Variants in NLGN4Y observed in about 807,000 individuals in gnomAD.
NLGN4Y encodes the protein neuroligin-4, Y-linked.
NLGN4Y carries 4 observed loss-of-function variants against 8.4 expected under a neutral mutation model. The observed-to-expected ratio is 0.48, with a 90% CI of 0.23 to 1.09. NLGN4Y has a LOEUF of 1.09. Among genes scored for constraint, NLGN4Y ranks in the 50% least tolerant of loss-of-function variants. The pLI is 0.19. For synonymous variants in NLGN4Y, 35 were observed against 75.6 expected (o/e 0.46, Z 2.78); for missense variants, 90 against 192.3 (o/e 0.47, Z 3.15).
chrY:14,787,127 T>C (rs2042970206), intron 4 of NLGN4Y, among the ~76,000 whole-genome samples: 1 of 32,460 alleles, frequency 3.1e-5, no homozygotes, highest in Non-Finnish European at 7.5e-5. Context: ...CAAGCAATCC[T>C]CCTGTCTTGG....
At chrY:14,673,283 A>G (rs2150529415) in intron 2 of NLGN4Y, among the ~76,000 whole-genome samples, 1 of 29,738 alleles carries the variant, frequency 3.4e-5, no homozygotes, top group East Asian at 8.7e-4. Context: ...TACTCATCTG[A>G]CAAAGGGCTA....
At chrY:14,597,999 G>C in intron 1 of NLGN4Y, among the ~76,000 whole-genome samples, 1 of 32,673 alleles carries the variant, frequency 3.1e-5, no homozygotes, top group Admixed American at 2.7e-4. Flanking sequence ...CACAAGAGCA[G>C]CTAGATACAG....
intron 1 of NLGN4Y, among the ~76,000 whole-genome samples, chrY:14,604,876 T>TA (rs2080441323): frequency 3.0e-5 from 1 of 33,832 alleles, no homozygotes; most frequent in South Asian, 6.6e-4. Flanking sequence ...GCCACGTTTT[T>TA]ACTCTCCAAT....
intron 2 of NLGN4Y, among the ~76,000 whole-genome samples, chrY:14,710,154 C>T (rs2080895159): frequency 5.9e-5 from 2 of 33,648 alleles, no homozygotes; most frequent in South Asian, 1.3e-3. Context: ...ATTTAATCTC[C>T]ACATATCTAA....
At chrY:14,671,356 C>T in intron 2 of NLGN4Y, among the ~76,000 whole-genome samples, 1 of 31,754 alleles carries the variant, frequency 3.1e-5, no homozygotes, top group Non-Finnish European at 7.6e-5. Context: ...ATAGTGAGAT[C>T]CTTTCTCTAC....
At chrY:14,656,497 G>T in intron 2 of NLGN4Y, among the ~76,000 whole-genome samples, 1 of 29,952 alleles carries the variant, frequency 3.3e-5, no homozygotes, top group Non-Finnish European at 7.9e-5. Context: ...TGAGGCAGGA[G>T]AATTGCTTGA....
chrY:14,630,599 A>C (rs779171804), intron 2 of NLGN4Y, among the ~76,000 whole-genome samples: 24 of 33,560 alleles, frequency 7.2e-4, no homozygotes, highest in Non-Finnish European at 7.3e-4. Flanking sequence ...GAGTTTTATC[A>C]CCCTTTAATA....
intron 1 of NLGN4Y, among the ~76,000 whole-genome samples, chrY:14,541,246 G>T (rs965017420): frequency 6.0e-5 from 2 of 33,402 alleles, no homozygotes; most frequent in Non-Finnish European, 7.4e-5. Flanking sequence ...AAGAAGATAA[G>T]ATTAGAGAAA....
At position 14,618,123 on chromosome Y, in the gene NLGN4Y, G is replaced by GA. The variant is rs770476831; in HGVS notation, c.-111-3869dup. The stretch of plus-strand genomic sequence containing the variant: ...GAAAGGTTCTGTCTCACTGGATTAT[G>GA]AAAAAAAAAAAAAAAAACTCCTGCA... On this transcript the variant is annotated intron_variant, in intron 1 of 6. Coordinates refer to ENST00000684976, the MANE Select transcript of NLGN4Y (RefSeq NM_001365588.1). 5.9e-3 allele frequency among the ~76,000 whole-genome samples: 99 copies of GA among 16,853 alleles called. No individual in the cohort carries two copies. In the East Asian group the frequency reaches 0.06, roughly 10 times the overall value. The allele number at this position is 16,853 out of a possible 37,273, so 45.2% of individuals were successfully genotyped here. A position where few individuals can be genotyped will look rare whatever the true frequency, so the allele number is the denominator to read the frequency against.
chrY:14,828,724 A>T (rs970756582), intron 5 of NLGN4Y, among the ~76,000 whole-genome samples: 1 of 33,445 alleles, frequency 3.0e-5, no homozygotes, highest in Non-Finnish European at 7.3e-5. Flanking sequence ...ATGACATGAA[A>T]AATCAACACG....
intron 5 of NLGN4Y, among the ~76,000 whole-genome samples, chrY:14,828,231 A>G: frequency 3.1e-5 from 1 of 31,796 alleles, no homozygotes; most frequent in Non-Finnish European, 7.6e-5. Flanking sequence ...TAACATACAA[A>G]TAACTGTTTT....
At chrY:14,544,246 C>T (rs766853678) in intron 1 of NLGN4Y, among the ~76,000 whole-genome samples, 9 of 33,346 alleles carry the variant, frequency 2.7e-4, no homozygotes, top group Admixed American at 2.5e-3. Flanking sequence ...CATTATTTCT[C>T]TCCCCATGGC....
chrY:14,589,519 G>A (rs1603500594), intron 1 of NLGN4Y, among the ~76,000 whole-genome samples: 2 of 32,837 alleles, frequency 6.1e-5, no homozygotes. Context: ...TAAACACAGG[G>A]TGCTGATTGG....
At chrY:14,601,133 C>G in intron 1 of NLGN4Y, among the ~76,000 whole-genome samples, 4 of 30,141 alleles carry the variant, frequency 1.3e-4, no homozygotes, top group African/African-American at 5.3e-4. Flanking sequence ...GAGTCTCCCT[C>G]TGTCACCCAG....
intron 4 of NLGN4Y, among the ~76,000 whole-genome samples, chrY:14,725,710 A>G: frequency 2.9e-5 from 1 of 33,902 alleles, no homozygotes. Context: ...AATGAAATGA[A>G]TGGCCTTGTA....
At chrY:14,609,618 C>A in intron 1 of NLGN4Y, among the ~76,000 whole-genome samples, 5 of 33,281 alleles carry the variant, frequency 1.5e-4, no homozygotes, top group African/African-American at 2.3e-4. Flanking sequence ...GGTTTGCCAG[C>A]ATTTTATTGA....
chrY:14,639,454 T>C (rs2080580817), intron 2 of NLGN4Y: 1 of 161,296 alleles, frequency 6.2e-6, no homozygotes, highest in Non-Finnish European at 1.2e-5. Context: ...GTTGTGATCA[T>C]TGTTGTAAGA....
At chrY:14,564,520 G>T (rs2080244573) in intron 1 of NLGN4Y, among the ~76,000 whole-genome samples, 1 of 33,704 alleles carries the variant, frequency 3.0e-5, no homozygotes, top group Non-Finnish European at 7.3e-5. Context: ...GTTCAAACTT[G>T]GTGGAACCCA....
intron 1 of NLGN4Y, among the ~76,000 whole-genome samples, chrY:14,559,367 T>C (rs910343623): frequency 5.1e-4 from 17 of 33,538 alleles, no homozygotes; most frequent in African/African-American, 2.0e-3. Flanking sequence ...CTCTTTCTTC[T>C]GACAATTCAG....
Sources: gnomAD v4.1 joint callset for allele counts (sites outside exome capture counted in the v4.1 genomes callset) on GRCh38, gnomAD v4.1.1 for gene constraint, MANE v1.5 for transcripts, NCBI Gene and HGNC (gene_info 2026-07-23, HGNC 2026-07-21) for gene names.